CFAP97: variants seen among roughly 807,000 people sequenced by gnomAD.
The protein encoded by CFAP97 is cilia- and flagella-associated protein 97.
A neutral mutation model predicts 43.1 loss-of-function variants in CFAP97; 36 were observed. The ratio of observed to expected loss-of-function variants is 0.84; its 90% CI spans 0.64 to 1.10. The LOEUF is 1.10. CFAP97 is among the 50% of genes least tolerant of loss of function. CFAP97 has a pLI of 0.00. For missense variants in CFAP97, 657 were observed against 620.3 expected, an observed-to-expected ratio of 1.06 and a Z score of -0.63; for synonymous variants, 228 against 225.7, an observed-to-expected ratio of 1.01 and a Z score of -0.09.
At chr4:185,207,407 G>A (rs1470675706), upstream of CFAP97, among the ~76,000 whole-genome samples, 2 of 151,604 alleles carry the variant, frequency 1.3e-5, no homozygotes, top group Admixed American at 6.6e-5. Flanking sequence ...TAGTAGAGAC[G>A]GGGTTTTGCC....
At position 185,162,082 on chromosome 4, in the gene CFAP97, A is replaced by T. The variant is rs543264963; in HGVS notation, c.*716T>A. Reference sequence around the variant, plus strand: ...TACCTCATTTCTAAGAGTCATAAATAGGACTTTACCTGAATGCATGAAAAC... The same window carrying T: ...TACCTCATTTCTAAGAGTCATAAATTGGACTTTACCTGAATGCATGAAAAC... On this transcript the variant is annotated 3_prime_UTR_variant, in exon 5 of 5. Transcript: ENST00000458385. 9.2e-5 allele frequency: 14 copies of T among 152,400 alleles called. No homozygotes were observed. Among genetic ancestry groups the T allele is most frequent in the African/African-American group, 3.4e-4 (14 of 41,596 alleles). The allele number at this position is 152,400 out of a possible 1,614,324, so 9.4% of individuals were successfully genotyped here. A position where few individuals can be genotyped will look rare whatever the true frequency, so the allele number is the denominator to read the frequency against.
At chr4:185,196,761 T>C (rs980866912) in intron 1 of CFAP97, among the ~76,000 whole-genome samples, 3 of 152,164 alleles carry the variant, frequency 2.0e-5, no homozygotes, top group African/African-American at 7.2e-5. Flanking sequence ...ACTCTGCTAA[T>C]AGATTAAGGC....
At chr4:185,169,803 C>G in intron 3 of CFAP97, 4 of 985,494 alleles carry the variant, frequency 4.1e-6, no homozygotes, top group Non-Finnish European at 4.8e-6. Context: ...CGACTGCTCT[C>G]TACATTTCAA....
chr4:185,170,249 G>T (rs1475480144), intron 3 of CFAP97: 5 of 651,102 alleles, frequency 7.7e-6, no homozygotes, highest in South Asian at 6.7e-5. Flanking sequence ...GGGAGGCCGA[G>T]GCAGGAGAAT....
upstream of CFAP97, among the ~76,000 whole-genome samples, chr4:185,207,210 CT>C (rs34373262): frequency 0.018 from 1,359 of 76,788 alleles, 6 homozygotes; most frequent in African/African-American, 0.054. Context: ...ACCAGTCACA[CT>C]TTTTTTTTTT....
chr4:185,194,400 G>A (rs1036196900), intron 1 of CFAP97, among the ~76,000 whole-genome samples: 1 of 152,064 alleles, frequency 6.6e-6, no homozygotes, highest in Non-Finnish European at 1.5e-5. Context: ...GAGGCAGGAG[G>A]ATCACTTGAA....
chr4:185,187,936 C>T (rs578216312), intron 2 of CFAP97, among the ~76,000 whole-genome samples: 5 of 152,060 alleles, frequency 3.3e-5, no homozygotes, highest in African/African-American at 1.2e-4. Context: ...CTCGCTCTGT[C>T]GCCAGGCTGG....
At chr4:185,192,434 T>A (rs1371226508) in intron 1 of CFAP97, among the ~76,000 whole-genome samples, 2 of 152,194 alleles carry the variant, frequency 1.3e-5, no homozygotes, top group Admixed American at 1.3e-4. Flanking sequence ...GTTGCCTTTA[T>A]CAGGGGGCAG....
chr4:185,201,080 T>C (rs1353967589), intron 1 of CFAP97, among the ~76,000 whole-genome samples: 1 of 152,084 alleles, frequency 6.6e-6, no homozygotes, highest in Non-Finnish European at 1.5e-5. Flanking sequence ...TCCCAACACT[T>C]TGGGAGGCCG....
At chr4:185,198,398 G>T (rs1736652719) in intron 1 of CFAP97, among the ~76,000 whole-genome samples, 1 of 150,234 alleles carries the variant, frequency 6.7e-6, no homozygotes, top group African/African-American at 2.5e-5. Flanking sequence ...AGCCAAGATT[G>T]CATCACTACA....
intron 4 of CFAP97, 72 bp from the exon 5 acceptor site, chr4:185,162,997 C>T: frequency 1.5e-6 from 2 of 1,369,906 alleles, no homozygotes; most frequent in Non-Finnish European, 1.9e-6. Context: ...TTTTCTTCCA[C>T]ATTCTATGTG....
rs1322511554 is a variant in CFAP97, at chr4:185,170,277, TG to T, written c.1320+5508del. The T allele has an allele frequency of 7.6e-6, 5 of 658,868 alleles. No homozygotes were observed. The African/African-American group carries it at 9.1e-5, about 12-fold the overall frequency. 40.8% of individuals were successfully genotyped at this position (658,868 alleles called of 1,614,324 possible). A position where few individuals can be genotyped will look rare whatever the true frequency, so the allele number is the denominator to read the frequency against. ...AGGAGAATCACTTGAACCCAGGAGA[TG>T]GAGGCTGCAAGGAGCCAAGATCACG... is the stretch of plus-strand genomic sequence containing the variant. On this transcript the variant is annotated intron_variant, in intron 3 of 4. Coordinates refer to ENST00000458385, the MANE Select transcript of CFAP97 (RefSeq NM_020827.3).
Position 185,161,564 on chromosome 4 carries a change from T to C in CFAP97, c.*1234A>G, listed in dbSNP as rs1459423473. On this transcript the variant is annotated 3_prime_UTR_variant, in exon 5 of 5. Coordinates refer to ENST00000458385, the MANE Select transcript of CFAP97 (RefSeq NM_020827.3). ...GTGAAAAACGGCGGTAACAATGAGA[T>C]AACATACTTTGTTATATAAAAGCCT... 1 of 152,150 alleles carries C rather than the reference T, an allele frequency of 6.6e-6. No individual in the cohort carries two copies. Among genetic ancestry groups the C allele is most frequent in the African/African-American group, 2.4e-5 (1 of 41,442 alleles). The allele number at this position is 152,150 out of a possible 1,614,324, so 9.4% of individuals were successfully genotyped here.
chr4:185,190,646 G>C lies in CFAP97; in HGVS notation c.551C>G (p.Ser184Ter), dbSNP rs1475097457. The change falls in exon 2 of 5, where the codon TCA becomes TGA. Residue 184 changes from serine (S) to a stop codon, truncating the protein, a stop_gained. Coordinates refer to ENST00000458385, the MANE Select transcript of CFAP97 (RefSeq NM_020827.3). LOFTEE classifies it high-confidence loss of function. ...SSSLSSSSSGSGTDCLDAGSD... is the reference protein window; with the variant it reads ...SSSLSSSSSG ...CCCTGCATCTAAACAATCTGTACCT[G>C]AACCTGAAGATGAGGAAGATAAAGA... 5.0e-6 allele frequency: 8 copies of C among 1,587,252 alleles called. No homozygotes were observed. The highest frequency in any genetic ancestry group is 1.8e-5 in the Admixed American group (1 of 54,202).
intron 2 of CFAP97, among the ~76,000 whole-genome samples, chr4:185,189,001 G>A (rs1312217415): frequency 6.6e-6 from 1 of 152,196 alleles, no homozygotes; most frequent in Non-Finnish European, 1.5e-5. Context: ...CCTTCGGGAC[G>A]CTGAGGTAGG....
chr4:185,162,597 A>C lies in CFAP97; in HGVS notation c.*201T>G. 1.7e-6 allele frequency: 1 copy of C among 579,496 alleles called. No homozygotes were observed. The highest frequency in any genetic ancestry group is 2.0e-5 in the South Asian group (1 of 49,694). The allele number at this position is 579,496 out of a possible 1,614,324, so 35.9% of individuals were successfully genotyped here. On this transcript the variant is annotated 3_prime_UTR_variant, in exon 5 of 5. Coordinates refer to ENST00000458385, the MANE Select transcript of CFAP97 (RefSeq NM_020827.3). ...ATTAAGAACACATACATCTCATATA[A>C]ATACATCCTCAGGAAACACTTTTTA...
Position 185,173,674 on chromosome 4 carries a change from T to C in CFAP97, c.1320+2112A>G, listed in dbSNP as rs562793331. Among the ~76,000 whole-genome samples the C allele has an allele frequency of 5.9e-5, 9 of 152,212 alleles. No individual in the cohort carries two copies. The East Asian group carries it at 1.7e-3, about 29-fold the overall frequency. On this transcript the variant is annotated intron_variant, in intron 3 of 4. Transcript: ENST00000458385. The stretch of plus-strand genomic sequence containing the variant: ...ATTGTACAGTTCTACTCATATGAAA[T>C]ATTTAGAATAGCCGAATTCATAGAG...
chr4:185,186,894 A>G lies in CFAP97; in HGVS notation c.1054+3249T>C, dbSNP rs79183181. On this transcript the variant is annotated intron_variant, in intron 2 of 4. Coordinates refer to ENST00000458385, the MANE Select transcript of CFAP97 (RefSeq NM_020827.3). ...TGTCCTAAGACCAAAATGTTTAAAA[A>G]TCGTTGTGTTAGAGCACTTGAGGTT... Among the ~76,000 whole-genome samples, 1,494 of 152,310 alleles carry G rather than the reference A, an allele frequency of 9.8e-3. 28 individuals are homozygous for G. Among genetic ancestry groups the G allele is most frequent in the African/African-American group, 0.035 (1,440 of 41,566 alleles).
intron 1 of CFAP97, among the ~76,000 whole-genome samples, chr4:185,199,085 C>T (rs189426889): frequency 5.5e-4 from 84 of 152,040 alleles, no homozygotes; most frequent in African/African-American, 1.6e-3. Context: ...AATATTAGGG[C>T]CCTTAGGCTG....
Sources: gnomAD v4.1 joint callset for allele counts (sites outside exome capture counted in the v4.1 genomes callset) on GRCh38, gnomAD v4.1.1 for gene constraint, MANE v1.5 for transcripts, NCBI Gene and HGNC (gene_info 2026-07-23, HGNC 2026-07-21) for gene names.